BTD: variants seen among roughly 807,000 people sequenced by gnomAD.
The protein encoded by BTD is biocytinase.
Under a neutral mutation model 17.7 loss-of-function variants are expected in BTD, and 13 were observed. That is an observed-to-expected ratio of 0.74 (90% CI 0.48 to 1.17). The LOEUF is 1.17. BTD is among the 50% of genes most tolerant of loss of function. The pLI, the probability that BTD is intolerant of heterozygous loss-of-function variation, is 0.00. For missense variants in BTD, 674 were observed against 650.4 expected, an observed-to-expected ratio of 1.04 and a Z score of -0.39; for synonymous variants, 240 against 245.2, an observed-to-expected ratio of 0.98 and a Z score of 0.20.
intron 1 of BTD, among the ~76,000 whole-genome samples, chr3:15,627,753 C>G (rs185079264): frequency 1.3e-5 from 2 of 152,254 alleles, no homozygotes; most frequent in African/African-American, 4.8e-5. Flanking sequence ...TGGAGTTTCG[C>G]TCTTATTGCC....
chr3:15,701,734 A>C (rs531424744), intron 3 of BTD, among the ~76,000 whole-genome samples: 7 of 152,352 alleles, frequency 4.6e-5, no homozygotes, highest in African/African-American at 9.6e-5. Context: ...GTCTGGCTCT[A>C]AGGTAATAAG....
chr3:15,621,879 CG>C (rs763558726), intron 1 of BTD, among the ~76,000 whole-genome samples: 10 of 152,188 alleles, frequency 6.6e-5, no homozygotes, highest in Non-Finnish European at 1.0e-4. Context: ...GGATTACAGG[CG>C]TGAGTCACTG....
intron 1 of BTD, among the ~76,000 whole-genome samples, chr3:15,633,776 T>C (rs987270330): frequency 6.6e-6 from 1 of 152,230 alleles, no homozygotes; most frequent in African/African-American, 2.4e-5. Flanking sequence ...GCCCCCAAAA[T>C]CACTCTCTGT....
In BTD at chr3:15,644,721, G is replaced by T; in HGVS notation, c.805G>T (p.Ala269Ser). 1 of 1,614,220 alleles carries T rather than the reference G, an allele frequency of 6.2e-7. No homozygotes were observed. Among genetic ancestry groups the T allele is most frequent in the Non-Finnish European group, 8.5e-7 (1 of 1,180,032 alleles). The change falls in exon 4 of 4, where the codon GCT becomes TCT. Residue 269 changes from alanine to serine, a missense_variant. By Grantham distance (99) the Ala-to-Ser change is moderately conservative. Transcript: ENST00000643237. ...AGCAATTGAGATTCAGAAAGCTTTT[G>T]CTGTTGCCTTTGGCATCAACGTTCT... is the stretch of plus-strand genomic sequence containing the variant. Reference protein sequence around the residue: ...LAAIEIQKAFAVAFGINVLAA... With the variant: ...LAAIEIQKAFSVAFGINVLAA...
intron 1 of BTD, among the ~76,000 whole-genome samples, chr3:15,613,658 T>A (rs1003114069): frequency 6.6e-6 from 1 of 152,180 alleles, no homozygotes; most frequent in Non-Finnish European, 1.5e-5. Context: ...GAATGTTTTG[T>A]CACAGTTTTT....
chr3:15,709,741 T>A, intron 3 of BTD: 2 of 1,551,198 alleles, frequency 1.3e-6, no homozygotes, highest in Non-Finnish European at 1.7e-6. Flanking sequence ...AAATTCCTAT[T>A]GAGAGAAAAT....
intron 2 of BTD, among the ~76,000 whole-genome samples, chr3:15,638,711 T>A (rs1178300484): frequency 6.6e-6 from 1 of 152,230 alleles, no homozygotes; most frequent in Non-Finnish European, 1.5e-5. Flanking sequence ...GGCCATTGTG[T>A]CATTGTGCAT....
In BTD at chr3:15,644,451, G is replaced by T; in HGVS notation, c.535G>T (p.Val179Leu). The T allele has an allele frequency of 6.2e-7, 1 of 1,614,038 alleles. No homozygotes were observed. Among genetic ancestry groups the T allele is most frequent in the South Asian group, 1.1e-5 (1 of 91,070 alleles). The stretch of plus-strand genomic sequence containing the variant: ...GAGATACCAGTTCAACACAAATGTC[G>T]TGTTCAGCAATAATGGAACCCTTGT... ...DGRYQFNTNV[V>L]FSNNGTLVDR... The change falls in exon 4 of 4, where the codon GTG (valine) becomes TTG (leucine). Residue 179 changes from valine (V) to leucine (L), a missense_variant. Transcript: ENST00000643237.
intron 4 of BTD, among the ~76,000 whole-genome samples, chr3:15,718,447 C>T (rs542398353): frequency 6.6e-6 from 1 of 152,226 alleles, no homozygotes; most frequent in South Asian, 2.1e-4. Flanking sequence ...TCAAATAGGA[C>T]CACTGGTTTG....
At chr3:15,643,973 T>TTAATTA (rs764353447) in intron 3 of BTD, among the ~76,000 whole-genome samples, 2,087 of 55,678 alleles carry the variant, frequency 0.037, 23 homozygotes, top group Non-Finnish European at 0.047. Flanking sequence ...TTATTTAATT[T>TTAATTA]ATTTATTTAT....
At position 15,649,247 on chromosome 3, in the gene BTD, G is replaced by C. The variant is rs76256771; in HGVS notation, c.*3759G>C. 2.0e-3 allele frequency among the ~76,000 whole-genome samples: 307 copies of C among 152,334 alleles called. No individual in the cohort carries two copies. Among genetic ancestry groups the C allele is most frequent in the African/African-American group, 6.9e-3 (288 of 41,576 alleles). Reference sequence around the variant, plus strand: ...CATAGGGATAGCTGAGTGTCCTCATGATGTGGCCCCTGGCTTCCCCTGAAG... The same window carrying C: ...CATAGGGATAGCTGAGTGTCCTCATCATGTGGCCCCTGGCTTCCCCTGAAG... On this transcript the variant is annotated 3_prime_UTR_variant, in exon 4 of 4. Coordinates refer to ENST00000643237, the MANE Select transcript of BTD (RefSeq NM_001370658.1).
At chr3:15,680,960 G>A (rs2125704970) in intron 3 of BTD, among the ~76,000 whole-genome samples, 1 of 152,246 alleles carries the variant, frequency 6.6e-6, no homozygotes, top group East Asian at 1.9e-4. Flanking sequence ...AGCCACCACG[G>A]CCAACATTTT....
intron 3 of BTD, among the ~76,000 whole-genome samples, chr3:15,664,252 A>G (rs1468856124): frequency 6.6e-6 from 1 of 152,150 alleles, no homozygotes. Flanking sequence ...GGATTCATCT[A>G]TTTCTCATTG....
At chr3:15,634,366 C>T (rs932567811) in intron 1 of BTD, among the ~76,000 whole-genome samples, 1 of 152,160 alleles carries the variant, frequency 6.6e-6, no homozygotes. Context: ...AGGACATCTC[C>T]ATGGGCAGGT....
chr3:15,678,564 A>G (rs1046695282), intron 3 of BTD, among the ~76,000 whole-genome samples: 16 of 152,248 alleles, frequency 1.1e-4, no homozygotes, highest in South Asian at 2.1e-4. Flanking sequence ...CTTTAATTAA[A>G]CTAGAACTAG....
Position 15,649,500 on chromosome 3 carries a change from C to A in BTD, c.*4012C>A, listed in dbSNP as rs2125521333. 6.6e-6 allele frequency among the ~76,000 whole-genome samples: 1 copy of A among 152,358 alleles called. No homozygotes were observed. Among genetic ancestry groups the A allele is most frequent in the Non-Finnish European group, 1.5e-5 (1 of 68,042 alleles). Reference sequence around the variant, plus strand: ...CAAATCACAGCTCTCCCGTTTCTCACCTCCCAACAGTTGCTGTTCCTCAGG... The same window carrying A: ...CAAATCACAGCTCTCCCGTTTCTCAACTCCCAACAGTTGCTGTTCCTCAGG... On this transcript the variant is annotated 3_prime_UTR_variant, in exon 4 of 4. Transcript: ENST00000643237.
chr3:15,690,923 T>C (rs114166623), intron 3 of BTD, among the ~76,000 whole-genome samples: 108 of 152,284 alleles, frequency 7.1e-4, no homozygotes, highest in African/African-American at 2.5e-3. Flanking sequence ...CAAAGACAGC[T>C]AGCAACTTGA....
intron 3 of BTD, among the ~76,000 whole-genome samples, chr3:15,691,146 C>T (rs1431001823): frequency 2.8e-5 from 4 of 143,470 alleles, no homozygotes; most frequent in Non-Finnish European, 4.5e-5. Flanking sequence ...TTTTTTGAGA[C>T]GGAGTCTCAC....
downstream of BTD, among the ~76,000 whole-genome samples, chr3:15,655,184 CAAA>C (rs1316180832): frequency 1.3e-5 from 2 of 152,154 alleles, no homozygotes; most frequent in Non-Finnish European, 2.9e-5. Flanking sequence ...ATTAGAGGAA[CAAA>C]GAAGGCTGTG....
Sources: allele counts gnomAD v4.1 joint callset (sites outside exome capture counted in the v4.1 genomes callset), GRCh38; gene constraint gnomAD v4.1.1; transcripts MANE v1.5; gene names NCBI Gene and HGNC (gene_info 2026-07-23, HGNC 2026-07-21).